ARMC5: variants seen among roughly 807,000 people sequenced by gnomAD.
ARMC5 encodes the protein armadillo repeat-containing protein 5.
A neutral mutation model predicts 60.5 loss-of-function variants in ARMC5; 28 were observed. The ratio of observed to expected loss-of-function variants is 0.46; its 90% CI spans 0.34 to 0.63. The LOEUF is 0.63. ARMC5 is among the 30% of genes least tolerant of loss of function. ARMC5 has a pLI of 0.01. For synonymous variants in ARMC5, 680 were observed against 607.3 expected (o/e 1.12, Z -1.76); for missense variants, 1,189 against 1,304.9 (o/e 0.91, Z 1.37).
upstream of ARMC5, chr16:31,459,129 G>A: frequency 2.0e-6 from 3 of 1,490,512 alleles, no homozygotes; most frequent in South Asian, 1.3e-5. Flanking sequence ...CGAGCCTAGA[G>A]GAGAAAAGGC....
chr16:31,458,371 C>T (rs75113595), upstream of ARMC5: 1,139 of 1,532,262 alleles, frequency 7.4e-4, 13 homozygotes, highest in East Asian at 0.025. Flanking sequence ...TCTTACCACA[C>T]TAGGCACAGG....
chr16:31,466,554 C>G lies in ARMC5; in HGVS notation c.2473C>G (p.Gln825Glu). The G allele has an allele frequency of 6.2e-7, 1 of 1,608,822 alleles. No individual in the cohort carries two copies. The highest frequency in any genetic ancestry group is 2.2e-5 in the East Asian group (1 of 44,860). The change falls in exon 6 of 6, where the codon CAG (glutamine) becomes GAG (glutamate). Residue 825 changes from glutamine (Q) to glutamate (E), a missense_variant. Physicochemically the swap from Gln to Glu is conservative, Grantham distance 29. This residue lies in a region of ARMC5 where 862 missense variants were observed against 1,071.2 expected (regional missense o/e 0.80). Transcript: ENST00000268314. The surrounding 1 kb of genome is among the most constrained non-coding windows in gnomAD (Gnocchi z 8.0). Reference protein sequence around the residue: ...AALGPVPPPGQPLLGSEAEEA... With the variant: ...AALGPVPPPGEPLLGSEAEEA... ...CCTGGGGCCCGTGCCCCCACCAGGC[C>G]AGCCCCTGCTGGGTTCAGAGGCCGA...
chr16:31,466,362 C>A lies in ARMC5; in HGVS notation c.2281C>A (p.Pro761Thr). ...HFLLDSGLQL[P>T]AQRAASATAS... ...CCTGCTGGACTCAGGCCTCCAGCTC[C>A]CTGCCCAGCGAGCGGCCTCAGCCAC... Residue 761 changes from proline to threonine, a missense_variant, in exon 6 of 6, where the codon CCT becomes ACT. Transcript: ENST00000268314. This position sits in a 1 kb window ranked among gnomAD's most constrained non-coding sequence, Gnocchi z 8.0. The A allele has an allele frequency of 6.2e-7, 1 of 1,613,326 alleles. No homozygotes were observed. Among genetic ancestry groups the A allele is most frequent in the East Asian group, 2.2e-5 (1 of 44,890 alleles).
upstream of ARMC5, chr16:31,459,061 C>T: frequency 2.0e-6 from 3 of 1,503,008 alleles, no homozygotes; most frequent in African/African-American, 1.4e-5. Flanking sequence ...CGGCCCGGCT[C>T]GGGGTTCTCG....
chr16:31,463,595 T>C (rs945163315), intron 3 of ARMC5, among the ~76,000 whole-genome samples: 3 of 152,092 alleles, frequency 2.0e-5, no homozygotes, highest in Non-Finnish European at 2.9e-5. Context: ...ACATTAGCGT[T>C]GGGGATCTCG....
chr16:31,462,325 C>A lies in ARMC5; in HGVS notation c.778C>A (p.Arg260Ser), dbSNP rs1369874589. 6.2e-7 allele frequency: 1 copy of A among 1,610,804 alleles called. No individual in the cohort carries two copies. Among genetic ancestry groups the A allele is most frequent in the Admixed American group, 1.7e-5 (1 of 59,998 alleles). ...PDAALTLALV[R>S]ALLELSRGCS... ...TGCTGCACTGACCTTAGCCCTCGTC[C>A]GTGCCCTCCTGGAACTCAGCCGAGG... Residue 260 changes from arginine (R) to serine (S), a missense_variant, in exon 3 of 6, where the codon CGT becomes AGT. Transcript: ENST00000268314. The surrounding 1 kb of genome is among the most constrained non-coding windows in gnomAD (Gnocchi z 7.2).
In ARMC5 at chr16:31,464,666, T is replaced by C. The variant is rs587777661; in HGVS notation, c.1643T>C (p.Leu548Pro). ...PSGALVTGPA[L>P]YGLLTYVTGA... is the part of the protein sequence containing the mutation. ...GGGGCACTTGTGACCGGCCCGGCGC[T>C]GTACGGCCTGCTGACCTATGTGACC... The change falls in exon 4 of 6, where the codon CTG becomes CCG. Residue 548 changes from leucine (L) to proline (P), a missense_variant. Around this residue, in one of 2 missense-constraint regions of ARMC5, gnomAD observed 862 missense variants for 1,071.2 expected, o/e 0.80. Coordinates refer to ENST00000268314, the MANE Select transcript of ARMC5 (RefSeq NM_001105247.2). The surrounding 1 kb of genome is among the most constrained non-coding windows in gnomAD (Gnocchi z 7.6). 1 of 1,598,704 alleles carries C rather than the reference T, an allele frequency of 6.3e-7. No individual in the cohort carries two copies. The highest frequency in any genetic ancestry group is 8.5e-7 in the Non-Finnish European group (1 of 1,178,946).
In ARMC5 at chr16:31,462,978, G is replaced by A; in HGVS notation, c.1370+61G>A. ...GTGCAGTGATGTGGGGTTTGTGTCT[G>A]TCTTGGTCCTCTTCACTACCTCCAC... is the stretch of plus-strand genomic sequence containing the variant. On this transcript the variant is annotated intron_variant, in intron 3 of 5. Coordinates refer to ENST00000268314, the MANE Select transcript of ARMC5 (RefSeq NM_001105247.2). The surrounding 1 kb of genome is among the most constrained non-coding windows in gnomAD (Gnocchi z 7.2). The A allele has an allele frequency of 7.0e-7, 1 of 1,436,396 alleles. No individual in the cohort carries two copies. 89.0% of individuals were successfully genotyped at this position (1,436,396 alleles called of 1,614,324 possible). A position where few individuals can be genotyped will look rare whatever the true frequency, so the allele number is the denominator to read the frequency against.
At chr16:31,461,874 A>G (rs1006200917) in intron 1 of ARMC5, 48 bp from the exon 2 acceptor site, 1 of 1,539,086 alleles carries the variant, frequency 6.5e-7, no homozygotes, top group African/African-American at 1.4e-5. Flanking sequence ...TATTGATGTG[A>G]GAGACAGTAA....
At chr16:31,460,611 G>A (rs1350078771) in intron 1 of ARMC5, among the ~76,000 whole-genome samples, 1 of 152,214 alleles carries the variant, frequency 6.6e-6, no homozygotes, top group African/African-American at 2.4e-5. Context: ...CGCGCCTGTA[G>A]TTCCAGCTAT....
chr16:31,459,816 T>C lies in ARMC5; in HGVS notation c.292T>C (p.Ser98Pro), dbSNP rs1003301079. 5.2e-6 allele frequency: 8 copies of C among 1,547,136 alleles called. No individual in the cohort carries two copies. Among genetic ancestry groups the C allele is most frequent in the Middle Eastern group, 2.1e-4 (1 of 4,674 alleles). ...GPGSAPSSAA[S>P]GASSPAPASG... The stretch of plus-strand genomic sequence containing the variant: ...CGGCTCCGCCCCCTCGTCGGCCGCG[T>C]CGGGAGCTTCTAGCCCCGCCCCCGC... The change falls in exon 1 of 6, where the codon TCG becomes CCG. Residue 98 changes from serine (S) to proline (P), a missense_variant. Ser to Pro is a moderately conservative substitution (Grantham distance 74, BLOSUM62 -1). This residue lies in a region of ARMC5 where 327 missense variants were observed against 233.7 expected (regional missense o/e 1.40). Coordinates refer to ENST00000268314, the MANE Select transcript of ARMC5 (RefSeq NM_001105247.2).
At position 31,465,940 on chromosome 16, in the gene ARMC5, A is replaced by G; in HGVS notation, c.1955A>G (p.Glu652Gly). The change falls in exon 5 of 6, where the codon GAG (glutamate) becomes GGG (glycine). Residue 652 changes from glutamate (E) to glycine (G), a missense_variant. Glu to Gly is a moderately conservative substitution (Grantham distance 98). This residue lies in a region of ARMC5 where 862 missense variants were observed against 1,071.2 expected (regional missense o/e 0.80). Coordinates refer to ENST00000268314, the MANE Select transcript of ARMC5 (RefSeq NM_001105247.2). ...LTHLLLSGSPEDRVACALTLP... is the reference protein window; with the variant it reads ...LTHLLLSGSPGDRVACALTLP... ...CACCTGCTGCTCTCTGGGAGCCCTGAGGACCGAGTGGCCTGCGCGCTGACC... is the reference window on the plus strand; with the variant it reads ...CACCTGCTGCTCTCTGGGAGCCCTGGGGACCGAGTGGCCTGCGCGCTGACC... 6.2e-7 allele frequency: 1 copy of G among 1,607,258 alleles called. No homozygotes were observed.
rs760967005 is a variant in ARMC5 at position 31,466,131 on chromosome 16, C to T, written c.2050C>T (p.Leu684Phe). ...LLLEQGGLRL[L>F]LAALTRPAPH... The stretch of plus-strand genomic sequence containing the variant: ...TCTGGAGCAGGGTGGTCTCCGGCTC[C>T]TCCTTGCGGCGCTGACCCGGCCGGC... Residue 684 changes from leucine to phenylalanine, a missense_variant, in exon 6 of 6, where the codon CTC (leucine) becomes TTC (phenylalanine). This residue lies in a region of ARMC5 where 862 missense variants were observed against 1,071.2 expected (regional missense o/e 0.80). Coordinates refer to ENST00000268314, the MANE Select transcript of ARMC5 (RefSeq NM_001105247.2). The surrounding 1 kb of genome is among the most constrained non-coding windows in gnomAD (Gnocchi z 8.0). 12 of 1,604,770 alleles carry T rather than the reference C, an allele frequency of 7.5e-6. No homozygotes were observed. In the African/African-American group the frequency reaches 1.2e-4, roughly 16 times the overall value.
At chr16:31,465,181 A>G (rs758817356) in intron 4 of ARMC5, 2 of 1,603,754 alleles carry the variant, frequency 1.2e-6, no homozygotes, top group East Asian at 4.5e-5. Context: ...TGGCTCTGCC[A>G]TTGGTTCAGC....
In ARMC5 at chr16:31,464,292, T is replaced by TA. The variant is rs537788230; in HGVS notation, c.1371-78dup. ...GCTATAGAGGGATACCACATTTCTT[T>TA]AAAAAAAAAAAAAAAAAAAAAAAAG... On this transcript the variant is annotated intron_variant, in intron 3 of 5. Transcript: ENST00000268314. The surrounding 1 kb of genome is among the most constrained non-coding windows in gnomAD (Gnocchi z 7.6). The TA allele has an allele frequency of 0.034, 17,022 of 497,236 alleles. 464 individuals carry two copies. The highest frequency in any genetic ancestry group is 0.13 in the African/African-American group (5,236 of 40,268). The allele number at this position is 497,236 out of a possible 1,614,324, so 30.8% of individuals were successfully genotyped here.
At position 31,464,970 on chromosome 16, in the gene ARMC5, C is replaced by A; in HGVS notation, c.1864+83C>A. On this transcript the variant is annotated intron_variant, in intron 4 of 5. Transcript: ENST00000268314. This position sits in a 1 kb window ranked among gnomAD's most constrained non-coding sequence, Gnocchi z 7.6. ...TGGCTTCCATGGGCCCAGAACCTCA[C>A]CTTCCCACTCACCTGTCCTCCCCAG... is the stretch of plus-strand genomic sequence containing the variant. 6.2e-7 allele frequency: 1 copy of A among 1,611,182 alleles called. No individual in the cohort carries two copies. Among genetic ancestry groups the A allele is most frequent in the Non-Finnish European group, 8.5e-7 (1 of 1,178,150 alleles).
rs539998802 is a variant in ARMC5, at chr16:31,459,645, A to G, written c.121A>G (p.Ser41Gly). ...KDPATNETPLSRALLALRTRH... is the reference protein window; with the variant it reads ...KDPATNETPLGRALLALRTRH... ...CCCAGCGACCAACGAGACACCCCTG[A>G]GCCGCGCGCTCCTAGCCCTCCGCAC... Residue 41 changes from serine to glycine, a missense_variant, in exon 1 of 6, where the codon AGC becomes GGC. Physicochemically the swap from Ser to Gly is moderately conservative, Grantham distance 56. This residue lies in a region of ARMC5 where 327 missense variants were observed against 233.7 expected (regional missense o/e 1.40). Coordinates refer to ENST00000268314, the MANE Select transcript of ARMC5 (RefSeq NM_001105247.2). 392 of 1,592,310 alleles carry G rather than the reference A, an allele frequency of 2.5e-4. 3 individuals are homozygous for G. In the East Asian group the frequency reaches 7.3e-3, roughly 30 times the overall value.
intron 4 of ARMC5, chr16:31,465,309 C>A: frequency 1.2e-5 from 17 of 1,452,236 alleles, no homozygotes; most frequent in Non-Finnish European, 1.5e-5. Context: ...TGCTTCATGG[C>A]GTTACTGCTA....
rs2082316030 is a variant in ARMC5, at chr16:31,462,762, C to G, written c.1215C>G (p.Gly405=). Residue 405 remains glycine, a synonymous_variant, in exon 3 of 6, where the codon GGC becomes GGG. Coordinates refer to ENST00000268314, the MANE Select transcript of ARMC5 (RefSeq NM_001105247.2). This position sits in a 1 kb window ranked among gnomAD's most constrained non-coding sequence, Gnocchi z 7.2. ...TTCTGTATGACACTGGGGCCCTGGG[C>G]CGGCTGCAGGCTCTGGGACTTGTGC... is the stretch of plus-strand genomic sequence containing the variant. ...VGFLYDTGAL[G]RLQALGLVPL... 1 of 1,613,738 alleles carries G rather than the reference C, an allele frequency of 6.2e-7. No individual in the cohort carries two copies. The highest frequency in any genetic ancestry group is 1.3e-5 in the African/African-American group (1 of 74,914).
Sources: gnomAD v4.1 joint callset for allele counts (sites outside exome capture counted in the v4.1 genomes callset) on GRCh38, gnomAD v4.1.1 for gene constraint, gnomAD v4.1.1 regional missense constraint, Gnocchi (gnomAD v3.1) non-coding constraint, MANE v1.5 for transcripts, NCBI Gene and HGNC (gene_info 2026-07-23, HGNC 2026-07-21) for gene names.